Variants in COMMD10 observed in about 807,000 individuals in gnomAD.
COMMD10 encodes the protein COMM domain-containing protein 10.
In COMMD10, 33 loss-of-function variants were observed where a neutral mutation model predicts 28.9. The ratio of observed to expected loss-of-function variants is 1.14; its 90% CI spans 0.87 to 1.53. The LOEUF (loss-of-function observed/expected upper bound fraction) is 1.53, where lower values mean the gene tolerates loss of function less well. Ranked by LOEUF, COMMD10 falls within the 40% of genes most tolerant of loss-of-function variation. The probability of loss-of-function intolerance (pLI) is 0.00; values close to 1 mark genes in which losing one functional copy is unlikely to be tolerated. For synonymous variants in COMMD10, 110 were observed against 81.7 expected (o/e 1.35, Z -1.87); for missense variants, 310 against 233.4 (o/e 1.33, Z -2.14).
chr5:116,173,781 C>T (rs1170939504), intron 5 of COMMD10, among the ~76,000 whole-genome samples: 1 of 151,526 alleles, frequency 6.6e-6, no homozygotes, highest in Non-Finnish European at 1.5e-5. Context: ...CATTGGGTAT[C>T]ACCTTCCTTG....
chr5:116,147,307 G>A (rs934251467), intron 5 of COMMD10, among the ~76,000 whole-genome samples: 4 of 151,844 alleles, frequency 2.6e-5, no homozygotes, highest in African/African-American at 9.7e-5. Context: ...TAGAAATGGG[G>A]TTGATGAAGC....
intron 5 of COMMD10, among the ~76,000 whole-genome samples, chr5:116,258,016 G>C (rs1258284295): frequency 6.6e-6 from 1 of 151,682 alleles, no homozygotes; most frequent in African/African-American, 2.4e-5. Flanking sequence ...GGGTTCAGCA[G>C]CTCCAGGAAT....
chr5:116,263,326 A>C (rs1453862368), intron 5 of COMMD10, among the ~76,000 whole-genome samples: 1 of 151,674 alleles, frequency 6.6e-6, no homozygotes, highest in Non-Finnish European at 1.5e-5. Context: ...GTTTTATTTG[A>C]CCCTATGTAT....
intron 5 of COMMD10, among the ~76,000 whole-genome samples, chr5:116,280,949 C>G (rs1254162206): frequency 6.6e-6 from 1 of 151,778 alleles, no homozygotes; most frequent in Non-Finnish European, 1.5e-5. Flanking sequence ...AAGAAGAAAA[C>G]TTCCTCTTTA....
intron 5 of COMMD10, among the ~76,000 whole-genome samples, chr5:116,166,263 C>CT (rs990026966): frequency 3.9e-5 from 6 of 152,102 alleles, no homozygotes; most frequent in Non-Finnish European, 7.4e-5. Context: ...TACAATGTTC[C>CT]TTTTTCTATT....
intron 5 of COMMD10, among the ~76,000 whole-genome samples, chr5:116,192,487 C>T (rs114999412): frequency 1.3e-5 from 2 of 152,006 alleles, no homozygotes; most frequent in African/African-American, 4.8e-5. Flanking sequence ...ATAAAAAATT[C>T]AGGAAACTTT....
intron 5 of COMMD10, among the ~76,000 whole-genome samples, chr5:116,134,434 G>A (rs1751967025): frequency 6.6e-6 from 1 of 152,130 alleles, no homozygotes; most frequent in Non-Finnish European, 1.5e-5. Context: ...TGATTTTAAT[G>A]TTTTAGGTAT....
At chr5:116,150,530 C>T (rs1389931052) in intron 5 of COMMD10, among the ~76,000 whole-genome samples, 5 of 146,168 alleles carry the variant, frequency 3.4e-5, no homozygotes, top group Non-Finnish European at 7.5e-5. Flanking sequence ...TCTTTTATTT[C>T]GTTGAGCAGT....
At chr5:116,206,744 AT>A (rs1257331498) in intron 5 of COMMD10, among the ~76,000 whole-genome samples, 1 of 152,232 alleles carries the variant, frequency 6.6e-6, no homozygotes, top group Admixed American at 6.5e-5. Flanking sequence ...AATTGGTGAA[AT>A]AAAAATACAA....
At position 116,132,008 on chromosome 5, in the gene COMMD10, T is replaced by G. The variant is rs551588997; in HGVS notation, c.400-2060T>G. On this transcript the variant is annotated intron_variant, in intron 4 of 6. Transcript: ENST00000274458. ...TTTTGTATATAGAGTTTGGATTTTA[T>G]TTTGTAGGTAGTAAGGAGCTATTGG... Among the ~76,000 whole-genome samples the G allele has an allele frequency of 3.9e-4, 60 of 152,088 alleles. 1 individual carries two copies. In the Middle Eastern group the frequency reaches 0.01, roughly 26 times the overall value.
intron 5 of COMMD10, among the ~76,000 whole-genome samples, chr5:116,203,004 G>T (rs947667585): frequency 4.0e-5 from 6 of 151,718 alleles, no homozygotes; most frequent in Non-Finnish European, 7.4e-5. Flanking sequence ...TTCTTCTAGG[G>T]TTTTTATGGT....
intron 5 of COMMD10, among the ~76,000 whole-genome samples, chr5:116,249,517 T>C (rs1011047802): frequency 6.6e-6 from 1 of 151,954 alleles, no homozygotes; most frequent in Non-Finnish European, 1.5e-5. Flanking sequence ...TAATAAAGTA[T>C]TGAGAATTTG....
chr5:116,088,094 C>G (rs1368375164), intron 2 of COMMD10, among the ~76,000 whole-genome samples: 1 of 152,164 alleles, frequency 6.6e-6, no homozygotes, highest in Non-Finnish European at 1.5e-5. Flanking sequence ...TTGTAATTCT[C>G]TACCTGGCCC....
rs1194292969 is a variant in COMMD10, at chr5:116,225,464, T to G, written c.511-66053T>G. Among the ~76,000 whole-genome samples, 3 of 151,036 alleles carry G rather than the reference T, an allele frequency of 2.0e-5. No individual in the cohort carries two copies. In the East Asian group the frequency reaches 5.9e-4, roughly 30 times the overall value. On this transcript the variant is annotated intron_variant, in intron 5 of 6. Transcript: ENST00000274458. ...TGTCATATTCTTTTGAGGACCTTGG[T>G]TTTTTGTTCTAGTAGGCAATTAACT...
At chr5:116,166,492 T>A (rs1021418408) in intron 5 of COMMD10, among the ~76,000 whole-genome samples, 6 of 152,182 alleles carry the variant, frequency 3.9e-5, no homozygotes, top group African/African-American at 1.4e-4. Flanking sequence ...TCAAGCTCTG[T>A]TAAGGGACAG....
At chr5:116,158,665 T>A (rs1194130857) in intron 5 of COMMD10, among the ~76,000 whole-genome samples, 2 of 151,824 alleles carry the variant, frequency 1.3e-5, no homozygotes, top group Non-Finnish European at 2.9e-5. Flanking sequence ...AAATTTTCAT[T>A]TTAAATTATG....
At chr5:116,109,074 A>G (rs1468271376) in intron 4 of COMMD10, among the ~76,000 whole-genome samples, 1 of 152,180 alleles carries the variant, frequency 6.6e-6, no homozygotes, top group Non-Finnish European at 1.5e-5. Context: ...CTCAGTTGGA[A>G]GTGCAGAAAT....
intron 5 of COMMD10, among the ~76,000 whole-genome samples, chr5:116,282,037 T>C (rs1037910985): frequency 2.0e-5 from 3 of 151,930 alleles, no homozygotes; most frequent in Non-Finnish European, 2.9e-5. Context: ...TCCAGACATA[T>C]ATTGTCAAGG....
chr5:116,253,446 C>G (rs1349424489), intron 5 of COMMD10, among the ~76,000 whole-genome samples: 1 of 151,268 alleles, frequency 6.6e-6, no homozygotes, highest in Non-Finnish European at 1.5e-5. Flanking sequence ...TCATAGATAG[C>G]TCTTATTATT....
Sources: gnomAD v4.1 joint callset for allele counts (sites outside exome capture counted in the v4.1 genomes callset) on GRCh38, gnomAD v4.1.1 for gene constraint, MANE v1.5 for transcripts, NCBI Gene and HGNC (gene_info 2026-07-23, HGNC 2026-07-21) for gene names.